The following ADRA1A variants were observed in gnomAD, a reference collection of about 807,000 sequenced individuals.
ADRA1A encodes the protein alpha-1A adrenergic receptor.
ADRA1A carries 31 observed loss-of-function variants against 29.6 expected under a neutral mutation model. That is an observed-to-expected ratio of 1.05 (90% confidence interval 0.79 to 1.41). The LOEUF is 1.41. Ranked by LOEUF, ADRA1A falls within the 40% of genes most tolerant of loss-of-function variation. The pLI, the probability that ADRA1A is intolerant of heterozygous loss-of-function variation, is 0.00. For synonymous variants in ADRA1A, 311 were observed against 254.3 expected, an observed-to-expected ratio of 1.22 and a Z score of -2.12; for missense variants, 619 against 601.1, an observed-to-expected ratio of 1.03 and a Z score of -0.31.
chr8:26,758,311 T>A (rs1805311598), intron 2 of ADRA1A, among the ~76,000 whole-genome samples: 2 of 152,236 alleles, frequency 1.3e-5, no homozygotes, highest in South Asian at 4.1e-4. Flanking sequence ...TGAAGTGAGA[T>A]AAAGAGCAAA....
At chr8:26,828,179 C>T (rs1810725358) in intron 2 of ADRA1A, among the ~76,000 whole-genome samples, 1 of 152,214 alleles carries the variant, frequency 6.6e-6, no homozygotes, top group African/African-American at 2.4e-5. Flanking sequence ...CAGGTATGAG[C>T]CACTGCACCT....
downstream of ADRA1A, among the ~76,000 whole-genome samples, chr8:26,764,179 A>G (rs1190125673): frequency 6.6e-6 from 1 of 152,202 alleles, no homozygotes; most frequent in East Asian, 1.9e-4. Context: ...AATGACCCAC[A>G]GGCTGACCGG....
chr8:26,796,736 G>C lies in ADRA1A; in HGVS notation c.884-26070C>G, dbSNP rs1308102173. On this transcript the variant is annotated intron_variant, in intron 2 of 2. Coordinates refer to ENST00000380573, the MANE Select transcript of ADRA1A (RefSeq NM_000680.4). This position sits in a 1 kb window ranked among gnomAD's most constrained non-coding sequence, Gnocchi z 5.0. ...AGAGATGATTAATTTCGAAAGGGGGGTACAAGATGAAGGGACACCCCTGAA... is the reference window on the plus strand; with the variant it reads ...AGAGATGATTAATTTCGAAAGGGGGCTACAAGATGAAGGGACACCCCTGAA... 6.6e-6 allele frequency among the ~76,000 whole-genome samples: 1 copy of C among 152,108 alleles called. No individual in the cohort carries two copies. The highest frequency in any genetic ancestry group is 1.9e-4 in the East Asian group (1 of 5,198).
intron 2 of ADRA1A, among the ~76,000 whole-genome samples, chr8:26,797,987 C>CTTTTTTTTTTTTTT (rs35607881): frequency 6.7e-6 from 1 of 148,484 alleles, no homozygotes; most frequent in African/African-American, 2.5e-5. Context: ...GTAAGTTAGT[C>CTTTTTTTTTTTTTT]TTTTTTTTTT....
Position 26,805,625 on chromosome 8 carries a change from GAACAAGT to G in ADRA1A, c.884-34966_884-34960del, listed in dbSNP as rs1292924426. On this transcript the variant is annotated intron_variant, in intron 2 of 2. Transcript: ENST00000380573. This position sits in a 1 kb window ranked among gnomAD's most constrained non-coding sequence, Gnocchi z 4.8. ...GCTAAGTAACTTGCCCAAGGCCATG[GAACAAGT>G]GAGAGATGGAACTGGATTTGAACTC... Among the ~76,000 whole-genome samples, 1 of 152,168 alleles carries G rather than the reference GAACAAGT, an allele frequency of 6.6e-6. No individual in the cohort carries two copies. The highest frequency in any genetic ancestry group is 2.4e-5 in the African/African-American group (1 of 41,448).
At chr8:26,773,066 A>ATTCT (rs1246296087) in intron 2 of ADRA1A, among the ~76,000 whole-genome samples, 5 of 152,236 alleles carry the variant, frequency 3.3e-5, no homozygotes, top group African/African-American at 4.8e-5. Flanking sequence ...ATGAAGAGTT[A>ATTCT]TGTGACTCTT....
rs1809026502 is a variant in ADRA1A at position 26,806,812 on chromosome 8, G to A, written c.884-36146C>T. On this transcript the variant is annotated intron_variant, in intron 2 of 2. Coordinates refer to ENST00000380573, the MANE Select transcript of ADRA1A (RefSeq NM_000680.4). The surrounding 1 kb of genome is among the most constrained non-coding windows in gnomAD (Gnocchi z 4.6). ...GGCCTCATGGAACATCCTAGAAAAG[G>A]AGAACCAGCCACACCCTCAGCTTCC... 6.6e-6 allele frequency among the ~76,000 whole-genome samples: 1 copy of A among 152,150 alleles called. No individual in the cohort carries two copies. Among genetic ancestry groups the A allele is most frequent in the South Asian group, 2.1e-4 (1 of 4,820 alleles).
At chr8:26,777,526 G>A (rs1156402122) in intron 2 of ADRA1A, among the ~76,000 whole-genome samples, 2 of 152,162 alleles carry the variant, frequency 1.3e-5, no homozygotes, top group Non-Finnish European at 1.5e-5. Context: ...TGATTTCGGT[G>A]CCTCTTTGGA....
Position 26,813,769 on chromosome 8 carries a change from C to CT in ADRA1A, c.884-43104dup, listed in dbSNP as rs148841082. 2.3e-4 allele frequency among the ~76,000 whole-genome samples: 35 copies of CT among 151,844 alleles called. No homozygotes were observed. The South Asian group carries it at 4.0e-3, about 17-fold the overall frequency. Reference sequence around the variant, plus strand: ...TTATTTTATTTCCCATTTTTTTAAGCTTTTTTTTCCAAACACTGGGAAAAT... The same window carrying CT: ...TTATTTTATTTCCCATTTTTTTAAGCTTTTTTTTTCCAAACACTGGGAAAAT... On this transcript the variant is annotated intron_variant, in intron 2 of 2. Coordinates refer to ENST00000380573, the MANE Select transcript of ADRA1A (RefSeq NM_000680.4).
intron 2 of ADRA1A, among the ~76,000 whole-genome samples, chr8:26,802,377 A>G (rs1333754925): frequency 6.6e-6 from 1 of 152,220 alleles, no homozygotes; most frequent in Non-Finnish European, 1.5e-5. Context: ...ACAACTCAAT[A>G]AGAAAACATA....
intron 2 of ADRA1A, among the ~76,000 whole-genome samples, chr8:26,797,932 T>A (rs1808295068): frequency 6.6e-6 from 1 of 152,042 alleles, no homozygotes; most frequent in Non-Finnish European, 1.5e-5. Context: ...GTGGTCAAGG[T>A]GGAGGTCTGT....
chr8:26,838,269 G>T (rs1413551405), intron 2 of ADRA1A, among the ~76,000 whole-genome samples: 1 of 152,140 alleles, frequency 6.6e-6, no homozygotes, highest in Non-Finnish European at 1.5e-5. Flanking sequence ...CAAGGCACAG[G>T]TCTAGGCTCT....
chr8:26,828,753 C>G (rs573035945), intron 2 of ADRA1A, among the ~76,000 whole-genome samples: 1 of 151,956 alleles, frequency 6.6e-6, no homozygotes, highest in Non-Finnish European at 1.5e-5. Flanking sequence ...TTATTTCAAG[C>G]CTTTGTGGTC....
At chr8:26,780,400 G>A (rs996006892) in intron 2 of ADRA1A, among the ~76,000 whole-genome samples, 4 of 152,134 alleles carry the variant, frequency 2.6e-5, no homozygotes, top group African/African-American at 9.7e-5. Context: ...AGTTCACGAG[G>A]TGACTGTGAC....
rs555771924 is a variant in ADRA1A at position 26,815,046 on chromosome 8, A to G, written c.884-44380T>C. Among the ~76,000 whole-genome samples the G allele has an allele frequency of 2.7e-4, 41 of 152,302 alleles. No homozygotes were observed. The highest frequency in any genetic ancestry group is 9.6e-4 in the African/African-American group (40 of 41,564). ...TCTCCCCTGATATCAATCCTTATGT[A>G]TTTAACTCACTGTAGTAATTTAGAA... is the stretch of plus-strand genomic sequence containing the variant. On this transcript the variant is annotated intron_variant, in intron 2 of 2. Transcript: ENST00000380573. The surrounding 1 kb of genome is among the most constrained non-coding windows in gnomAD (Gnocchi z 4.2).
At position 26,857,236 on chromosome 8, in the gene ADRA1A, A is replaced by C. The variant is rs142461666; in HGVS notation, c.883+6851T>G. On this transcript the variant is annotated intron_variant, in intron 2 of 2. Transcript: ENST00000380573. ...GCCACCAAGACTCACAGCCAGCTTCAATTGCCAGGCAAGCTGGGTGCTGAC... is the reference window on the plus strand; with the variant it reads ...GCCACCAAGACTCACAGCCAGCTTCCATTGCCAGGCAAGCTGGGTGCTGAC... Among the ~76,000 whole-genome samples, 950 of 152,246 alleles carry C rather than the reference A, an allele frequency of 6.2e-3. 11 individuals are homozygous for C. The highest frequency in any genetic ancestry group is 0.021 in the African/African-American group (861 of 41,550).
intron 2 of ADRA1A, among the ~76,000 whole-genome samples, chr8:26,826,715 CCAGACAGA>C (rs1289222614): frequency 6.6e-6 from 1 of 152,068 alleles, no homozygotes. Flanking sequence ...GTTAGCCTCC[CCAGACAGA>C]CAGCAAGATC....
downstream of ADRA1A, among the ~76,000 whole-genome samples, chr8:26,754,170 C>T (rs1805048147): frequency 6.6e-6 from 1 of 152,098 alleles, no homozygotes; most frequent in Non-Finnish European, 1.5e-5. Context: ...ATACTGAGTC[C>T]ATTTAAGAGA....
intron 2 of ADRA1A, among the ~76,000 whole-genome samples, chr8:26,772,859 TCACACACACACA>T (rs71553824): frequency 1.9e-5 from 2 of 102,602 alleles, no homozygotes; most frequent in African/African-American, 4.9e-5. Context: ...TGTCTCAAAT[TCACACACACACA>T]CACACACACA....
Sources: gnomAD v4.1 joint callset for allele counts (sites outside exome capture counted in the v4.1 genomes callset) on GRCh38, gnomAD v4.1.1 for gene constraint, Gnocchi (gnomAD v3.1) non-coding constraint, MANE v1.5 for transcripts, NCBI Gene and HGNC (gene_info 2026-07-23, HGNC 2026-07-21) for gene names.